The following KHDRBS2 variants were observed in gnomAD, a reference collection of about 807,000 sequenced individuals.
The protein encoded by KHDRBS2 is KH domain-containing, RNA-binding, signal transduction-associated protein 2.
A neutral mutation model predicts 44.3 loss-of-function variants in KHDRBS2; 26 were observed. The ratio of observed to expected loss-of-function variants is 0.59; its 90% confidence interval spans 0.43 to 0.81. The LOEUF (loss-of-function observed/expected upper bound fraction) is 0.81. Ranked by LOEUF, KHDRBS2 falls within the 40% of genes least tolerant of loss-of-function variation. The pLI is 0.00. For synonymous variants in KHDRBS2, 194 were observed against 151.1 expected (o/e 1.28, Z -2.08); for missense variants, 476 against 433.1 (o/e 1.10, Z -0.88).
chr6:61,795,983 G>A (rs779467374), intron 6 of KHDRBS2, among the ~76,000 whole-genome samples: 1 of 152,194 alleles, frequency 6.6e-6, no homozygotes, highest in South Asian at 2.1e-4. Flanking sequence ...CATGAGGATG[G>A]AATAAAACAG....
intron 6 of KHDRBS2, among the ~76,000 whole-genome samples, chr6:61,826,768 G>T (rs1478126735): frequency 3.3e-5 from 5 of 152,082 alleles, no homozygotes; most frequent in Non-Finnish European, 2.9e-5. Flanking sequence ...AAAATGCAGT[G>T]GCTCTTTGGG....
rs867429601 is a variant in KHDRBS2, at chr6:61,918,159, T to C, written c.484-16788A>G. Reference sequence around the variant, plus strand: ...ATTATGTGGTAGAAAACACTTTCAATGGCTTGCATTTCTCATCTTTATACC... The same window carrying C: ...ATTATGTGGTAGAAAACACTTTCAACGGCTTGCATTTCTCATCTTTATACC... On this transcript the variant is annotated intron_variant, in intron 4 of 8. Transcript: ENST00000281156. Among the ~76,000 whole-genome samples the C allele has an allele frequency of 2.0e-5, 3 of 152,124 alleles. No individual in the cohort carries two copies. In the Middle Eastern group the frequency reaches 0.01, roughly 517 times the overall value.
At chr6:61,868,061 C>T (rs1208411749) in intron 6 of KHDRBS2, among the ~76,000 whole-genome samples, 1 of 152,084 alleles carries the variant, frequency 6.6e-6, no homozygotes, top group Non-Finnish European at 1.5e-5. Context: ...AGCTGAGATG[C>T]CCAAACAGCA....
intron 6 of KHDRBS2, among the ~76,000 whole-genome samples, chr6:61,745,561 G>A (rs537721506): frequency 2.6e-5 from 4 of 152,194 alleles, no homozygotes; most frequent in East Asian, 3.9e-4. Flanking sequence ...AGTCTCTAAC[G>A]CCTTCTAATA....
At chr6:61,693,865 C>T (rs2127542723) in intron 8 of KHDRBS2, among the ~76,000 whole-genome samples, 1 of 152,240 alleles carries the variant, frequency 6.6e-6, no homozygotes, top group African/African-American at 2.4e-5. Flanking sequence ...GCCCTCCAGA[C>T]CATAACCCTT....
intron 4 of KHDRBS2, among the ~76,000 whole-genome samples, chr6:61,955,121 T>C (rs1766332735): frequency 1.4e-5 from 2 of 145,174 alleles, no homozygotes; most frequent in Admixed American, 6.8e-5. Context: ...TATGTGTATA[T>C]ATGTATACAT....
the KHDRBS2 span, among the ~76,000 whole-genome samples, chr6:61,603,875 C>A: frequency 6.6e-6 from 1 of 152,042 alleles, no homozygotes; most frequent in Non-Finnish European, 1.5e-5. Context: ...TGACATACAC[C>A]CCATTTCCCC....
At chr6:61,909,957 A>G (rs949327964) in intron 4 of KHDRBS2, among the ~76,000 whole-genome samples, 1 of 152,216 alleles carries the variant, frequency 6.6e-6, no homozygotes, top group Non-Finnish European at 1.5e-5. Context: ...ACATATACTC[A>G]GCTCTGGCAA....
At chr6:61,924,418 A>G (rs1222038108) in intron 4 of KHDRBS2, among the ~76,000 whole-genome samples, 1 of 152,118 alleles carries the variant, frequency 6.6e-6, no homozygotes, top group African/African-American at 2.4e-5. Context: ...ACATCAAAAC[A>G]TTAAATTATC....
intron 6 of KHDRBS2, among the ~76,000 whole-genome samples, chr6:61,771,388 T>A (rs1225323041): frequency 2.6e-5 from 4 of 152,218 alleles, no homozygotes; most frequent in Admixed American, 1.3e-4. Flanking sequence ...AGACACAGAC[T>A]GGCAAATTGG....
the KHDRBS2 span, among the ~76,000 whole-genome samples, chr6:61,564,603 A>C: frequency 6.6e-6 from 1 of 152,132 alleles, no homozygotes; most frequent in Non-Finnish European, 1.5e-5. Flanking sequence ...AATATCCGAG[A>C]GAATGAAAAA....
chr6:62,238,383 A>G (rs573483881), intron 1 of KHDRBS2, among the ~76,000 whole-genome samples: 6 of 152,280 alleles, frequency 3.9e-5, no homozygotes, highest in Non-Finnish European at 8.8e-5. Context: ...TGTTTCCAGA[A>G]AAGGTTTTTG....
chr6:61,857,027 TA>T (rs1562313109), intron 6 of KHDRBS2, among the ~76,000 whole-genome samples: 1 of 152,082 alleles, frequency 6.6e-6, no homozygotes, highest in African/African-American at 2.4e-5. Flanking sequence ...GAATGGATTT[TA>T]AAAAAAGGAT....
At chr6:61,869,713 C>T (rs1371560930) in intron 6 of KHDRBS2, among the ~76,000 whole-genome samples, 1 of 152,036 alleles carries the variant, frequency 6.6e-6, no homozygotes, top group African/African-American at 2.4e-5. Flanking sequence ...GAGGGTGAGC[C>T]GAAGCAGGGT....
At chr6:61,549,266 G>C in the KHDRBS2 span, among the ~76,000 whole-genome samples, 2 of 152,124 alleles carry the variant, frequency 1.3e-5, no homozygotes, top group East Asian at 3.9e-4. Context: ...GTGGTATAAT[G>C]TTAAACAATG....
chr6:61,621,074 G>A, the KHDRBS2 span, among the ~76,000 whole-genome samples: 1 of 152,142 alleles, frequency 6.6e-6, no homozygotes, highest in East Asian at 1.9e-4. Flanking sequence ...TTCGAGAAAG[G>A]ATGCAATATG....
the KHDRBS2 span, among the ~76,000 whole-genome samples, chr6:61,612,894 C>T: frequency 7.8e-6 from 1 of 127,784 alleles, no homozygotes; most frequent in Non-Finnish European, 1.6e-5. Context: ...GCTCTGTCGC[C>T]CAGGCTGGAG....
intron 6 of KHDRBS2, among the ~76,000 whole-genome samples, chr6:61,820,172 G>C (rs1034114803): frequency 3.9e-5 from 6 of 152,154 alleles, no homozygotes; most frequent in African/African-American, 1.4e-4. Flanking sequence ...GTTGTGAAAA[G>C]AGTTGTGGTT....
chr6:62,138,204 G>T (rs1811992837), intron 2 of KHDRBS2, among the ~76,000 whole-genome samples: 1 of 152,066 alleles, frequency 6.6e-6, no homozygotes, highest in South Asian at 2.1e-4. Context: ...ATACATAAAG[G>T]TTATCATATA....
Sources: gnomAD v4.1 joint callset for allele counts (sites outside exome capture counted in the v4.1 genomes callset) on GRCh38, gnomAD v4.1.1 for gene constraint, MANE v1.5 for transcripts, NCBI Gene and HGNC (gene_info 2026-07-23, HGNC 2026-07-21) for gene names.